Variants in NOX4 observed in about 807,000 individuals in gnomAD.
The protein encoded by NOX4 is NADPH oxidase 4.
In NOX4, 69 loss-of-function variants were observed where a neutral mutation model predicts 87.6. That is an observed-to-expected ratio of 0.79 (90% CI 0.65 to 0.96). NOX4 has a LOEUF of 0.96. NOX4 is among the 40% of genes least tolerant of loss of function. NOX4 has a pLI of 0.00. For synonymous variants in NOX4, 275 were observed against 238.2 expected (o/e 1.15, Z -1.42); for missense variants, 680 against 681.5 (o/e 1.00, Z 0.02).
At chr11:89,436,693 T>C (rs1384681181) in intron 6 of NOX4, among the ~76,000 whole-genome samples, 1 of 152,134 alleles carries the variant, frequency 6.6e-6, no homozygotes, top group Non-Finnish European at 1.5e-5. Context: ...TTTACTAACA[T>C]AATTGGAAAC....
intron 2 of NOX4, among the ~76,000 whole-genome samples, chr11:89,453,427 G>A (rs759810703): frequency 1.3e-5 from 2 of 152,164 alleles, no homozygotes; most frequent in African/African-American, 2.4e-5. Context: ...ATTTGACTCT[G>A]TCTTAGGAGG....
chr11:89,549,951 A>G, the NOX4 span, among the ~76,000 whole-genome samples: 1 of 152,208 alleles, frequency 6.6e-6, no homozygotes, highest in Non-Finnish European at 1.5e-5. Flanking sequence ...TAGTGCTGCA[A>G]TAAACATATG....
At chr11:89,410,178 T>C (rs1942402424) in intron 8 of NOX4, among the ~76,000 whole-genome samples, 1 of 152,158 alleles carries the variant, frequency 6.6e-6, no homozygotes, top group Non-Finnish European at 1.5e-5. Flanking sequence ...ATAATCAAAA[T>C]AGTTAAGATT....
At chr11:89,401,653 C>T (rs1394441358) in intron 9 of NOX4, among the ~76,000 whole-genome samples, 2 of 151,968 alleles carry the variant, frequency 1.3e-5, no homozygotes, top group South Asian at 2.1e-4. Context: ...TCGCTGAATA[C>T]TTATGGACGT....
the NOX4 span, among the ~76,000 whole-genome samples, chr11:89,580,612 T>G: frequency 6.6e-6 from 1 of 152,212 alleles, no homozygotes; most frequent in African/African-American, 2.4e-5. Flanking sequence ...AATCATTTAA[T>G]TAGTAAAATT....
chr11:89,398,196 A>G (rs1941613871), intron 11 of NOX4, among the ~76,000 whole-genome samples: 1 of 152,108 alleles, frequency 6.6e-6, no homozygotes, highest in Non-Finnish European at 1.5e-5. Flanking sequence ...CATCACATAA[A>G]CAGAACCAAA....
chr11:89,509,035 A>G, the NOX4 span, among the ~76,000 whole-genome samples: 1 of 150,932 alleles, frequency 6.6e-6, no homozygotes, highest in Non-Finnish European at 1.5e-5. Flanking sequence ...TTATGAACAT[A>G]TGACTCTTAA....
chr11:89,346,742 C>T (rs1207385414), intron 13 of NOX4, among the ~76,000 whole-genome samples: 1 of 152,192 alleles, frequency 6.6e-6, no homozygotes, highest in Non-Finnish European at 1.5e-5. Context: ...TCAGTCAGCA[C>T]TAAGGCTTGT....
the NOX4 span, among the ~76,000 whole-genome samples, chr11:89,550,195 T>TC: frequency 6.6e-6 from 1 of 151,572 alleles, no homozygotes; most frequent in Non-Finnish European, 1.5e-5. Flanking sequence ...GCTAGTCTTT[T>TC]TTTTTTTTGA....
chr11:89,405,578 G>T (rs1942122282), intron 8 of NOX4, among the ~76,000 whole-genome samples: 2 of 148,156 alleles, frequency 1.3e-5, no homozygotes, highest in Non-Finnish European at 3.0e-5. Context: ...TGCCACCAAA[G>T]AAATATGGAT....
At chr11:89,587,571 T>C in the NOX4 span, among the ~76,000 whole-genome samples, 2 of 151,808 alleles carry the variant, frequency 1.3e-5, no homozygotes, top group Non-Finnish European at 2.9e-5. Flanking sequence ...TAAAAAATTG[T>C]AAGAGGGAGT....
chr11:89,454,489 T>C (rs114226250), intron 2 of NOX4, among the ~76,000 whole-genome samples: 18 of 152,226 alleles, frequency 1.2e-4, no homozygotes, highest in African/African-American at 4.1e-4. Flanking sequence ...GATTCTAATA[T>C]GCCACCTGGG....
At chr11:89,417,637 G>C (rs1243585164) in intron 8 of NOX4, among the ~76,000 whole-genome samples, 1 of 152,060 alleles carries the variant, frequency 6.6e-6, no homozygotes, top group African/African-American at 2.4e-5. Flanking sequence ...TTGTTGATAA[G>C]AAAATCTGGG....
chr11:89,477,469 A>C (rs1946212867), intron 2 of NOX4, among the ~76,000 whole-genome samples: 1 of 152,086 alleles, frequency 6.6e-6, no homozygotes, highest in African/African-American at 2.4e-5. Flanking sequence ...CCCGGTTCCT[A>C]ACAGGCCACG....
chr11:89,496,420 C>T (rs965353210), upstream of NOX4, among the ~76,000 whole-genome samples: 1 of 152,056 alleles, frequency 6.6e-6, no homozygotes, highest in African/African-American at 2.4e-5. Context: ...AATTGCCCTA[C>T]ATTAAACACT....
chr11:89,456,804 T>C (rs376661489), intron 2 of NOX4, among the ~76,000 whole-genome samples: 1 of 152,104 alleles, frequency 6.6e-6, no homozygotes, highest in African/African-American at 2.4e-5. Flanking sequence ...CAGGAACAGC[T>C]GCAGTGGAGT....
At chr11:89,531,561 G>C in the NOX4 span, among the ~76,000 whole-genome samples, 2 of 152,266 alleles carry the variant, frequency 1.3e-5, no homozygotes, top group African/African-American at 4.8e-5. Flanking sequence ...TCAAGGGAGG[G>C]TCCTGGTGAG....
At chr11:89,364,229 A>T (rs1194613798) in intron 12 of NOX4, among the ~76,000 whole-genome samples, 1 of 152,064 alleles carries the variant, frequency 6.6e-6, no homozygotes, top group East Asian at 1.9e-4. Flanking sequence ...CCTAGGTGAC[A>T]GAGTGAGACC....
the NOX4 span, among the ~76,000 whole-genome samples, chr11:89,570,993 A>G: frequency 6.6e-6 from 1 of 152,236 alleles, no homozygotes; most frequent in Admixed American, 6.5e-5. Context: ...TAGAATATGT[A>G]TACTTTTTAA....
Sources: allele counts gnomAD v4.1 joint callset (sites outside exome capture counted in the v4.1 genomes callset), GRCh38; gene constraint gnomAD v4.1.1; transcripts MANE v1.5; gene names NCBI Gene and HGNC (gene_info 2026-07-23, HGNC 2026-07-21).